Variants in KCNQ1 observed in about 807,000 individuals in gnomAD.
The protein encoded by KCNQ1 is potassium voltage-gated channel subfamily KQT member 1.
A neutral mutation model predicts 72.4 loss-of-function variants in KCNQ1; 49 were observed. The observed-to-expected ratio is 0.68, with a 90% CI of 0.54 to 0.86. KCNQ1 has a LOEUF of 0.86. Among genes scored for constraint, KCNQ1 ranks in the 40% least tolerant of loss-of-function variants. The probability of loss-of-function intolerance (pLI) is 0.00; values close to 1 mark genes in which losing one functional copy is unlikely to be tolerated. For missense variants in KCNQ1, 790 were observed against 945.1 expected (o/e 0.84, Z 2.15); for synonymous variants, 450 against 412.6 (o/e 1.09, Z -1.10).
rs1590071757 is a variant in KCNQ1, at chr11:2,759,316, G to T, written c.1515-9528G>T. Among the ~76,000 whole-genome samples, 4 of 152,254 alleles carry T rather than the reference G, an allele frequency of 2.6e-5. No individual in the cohort carries two copies. The highest frequency in any genetic ancestry group is 3.4e-3 in the Middle Eastern group (1 of 294). Reference sequence around the variant, plus strand: ...GGGGATGTGACGTAGAGTGACTTCAGTTTCCCTCTTCATGTCTCCTGGGTC... The same window carrying T: ...GGGGATGTGACGTAGAGTGACTTCATTTTCCCTCTTCATGTCTCCTGGGTC... On this transcript the variant is annotated intron_variant, in intron 11 of 15. Transcript: ENST00000155840. This position sits in a 1 kb window ranked among gnomAD's most constrained non-coding sequence, Gnocchi z 4.4.
At chr11:2,655,908 C>T (rs1244023291) in intron 10 of KCNQ1, 3 of 398,580 alleles carry the variant, frequency 7.5e-6, no homozygotes, top group African/African-American at 4.1e-5. Flanking sequence ...CCCCATATGC[C>T]GTTCCCAGGA....
rs909550274 is a variant in KCNQ1 at position 2,679,618 on chromosome 11, G to T, written c.1514+17537G>T. ...ATGGGGAGGCGAGTTGGAATGAATA[G>T]TATCAGCATCAGAAAAAATACAAGT... On this transcript the variant is annotated intron_variant, in intron 11 of 15. Coordinates refer to ENST00000155840, the MANE Select transcript of KCNQ1 (RefSeq NM_000218.3). The surrounding 1 kb of genome is among the most constrained non-coding windows in gnomAD (Gnocchi z 4.8). 2.3e-5 allele frequency: 9 copies of T among 398,484 alleles called. No individual in the cohort carries two copies. Among genetic ancestry groups the T allele is most frequent in the Non-Finnish European group, 3.5e-5 (8 of 226,078 alleles). 24.7% of individuals were successfully genotyped at this position (398,484 alleles called of 1,614,324 possible). A position where few individuals can be genotyped will look rare whatever the true frequency, so the allele number is the denominator to read the frequency against.
At chr11:2,640,107 C>T (rs978897875) in intron 10 of KCNQ1, 1 of 286,170 alleles carries the variant, frequency 3.5e-6, no homozygotes, top group Non-Finnish European at 6.4e-6. Flanking sequence ...CCGTCTGTCA[C>T]CCCTTCCGTT....
chr11:2,744,902 G>A (rs1846114179), intron 11 of KCNQ1, among the ~76,000 whole-genome samples: 1 of 152,040 alleles, frequency 6.6e-6, no homozygotes, highest in Admixed American at 6.6e-5. Flanking sequence ...ATTCCATCCT[G>A]TCTATGGTGG....
At chr11:2,821,798 C>T (rs1847743014) in intron 15 of KCNQ1, among the ~76,000 whole-genome samples, 1 of 152,180 alleles carries the variant, frequency 6.6e-6, no homozygotes. Flanking sequence ...CAAGCCACTC[C>T]TGTTGCCCTC....
rs185288724 is a variant in KCNQ1 at position 2,550,060 on chromosome 11, A to G, written c.478-20568A>G. 3.9e-4 allele frequency among the ~76,000 whole-genome samples: 60 copies of G among 152,292 alleles called. No individual in the cohort carries two copies. The Middle Eastern group carries it at 0.01, about 26-fold the overall frequency. ...ACCCCAGAACTGGACCCCAATGTGC[A>G]GGTCTGGGTGTGGATGTATCTGTAT... is the stretch of plus-strand genomic sequence containing the variant. On this transcript the variant is annotated intron_variant, in intron 2 of 15. Transcript: ENST00000155840. This position sits in a 1 kb window ranked among gnomAD's most constrained non-coding sequence, Gnocchi z 6.0.
In KCNQ1 at chr11:2,659,547, G is replaced by A. The variant is rs1849913426; in HGVS notation, c.1394-2414G>A. ...ATTGTTTCCAGTATTTGGTAATTAT[G>A]AGCAGAGTTACTATACACATTTATG... On this transcript the variant is annotated intron_variant, in intron 10 of 15. Coordinates refer to ENST00000155840, the MANE Select transcript of KCNQ1 (RefSeq NM_000218.3). The surrounding 1 kb of genome is among the most constrained non-coding windows in gnomAD (Gnocchi z 4.3). 2.5e-6 allele frequency: 1 copy of A among 398,392 alleles called. No individual in the cohort carries two copies. The highest frequency in any genetic ancestry group is 2.1e-5 in the African/African-American group (1 of 48,636). 24.7% of individuals were successfully genotyped at this position (398,392 alleles called of 1,614,324 possible).
intron 8 of KCNQ1, among the ~76,000 whole-genome samples, chr11:2,586,823 C>G (rs1848598806): frequency 1.3e-5 from 2 of 152,158 alleles, no homozygotes; most frequent in South Asian, 4.1e-4. Context: ...GGCCCTCTCT[C>G]AGGCTCATGT....
At chr11:2,528,088 G>A in intron 2 of KCNQ1, 70 bp downstream of exon 2, 1 of 1,325,236 alleles carries the variant, frequency 7.5e-7, no homozygotes, top group Non-Finnish European at 1.1e-6. Context: ...CTGGCGCTGG[G>A]CCCCATAAGG....
At chr11:2,636,924 G>A (rs1849478699) in intron 10 of KCNQ1, 1 of 152,186 alleles carries the variant, frequency 6.6e-6, no homozygotes, top group African/African-American at 2.4e-5. Context: ...AAGGGTGTAT[G>A]TCTCCAGGAA....
At chr11:2,814,647 G>A (rs900747451) in intron 15 of KCNQ1, among the ~76,000 whole-genome samples, 12 of 148,410 alleles carry the variant, frequency 8.1e-5, no homozygotes, top group East Asian at 4.7e-4. Flanking sequence ...AGGAAGGAAG[G>A]AAGGAAGGAA....
At chr11:2,641,108 G>T in intron 10 of KCNQ1, 1 of 398,450 alleles carries the variant, frequency 2.5e-6, no homozygotes. Context: ...TTGCTGTTGT[G>T]AATAGTGCTG....
In KCNQ1 at chr11:2,563,656, G is replaced by C. The variant is rs1008972902; in HGVS notation, c.478-6972G>C. Among the ~76,000 whole-genome samples, 3 of 152,222 alleles carry C rather than the reference G, an allele frequency of 2.0e-5. No individual in the cohort carries two copies. The highest frequency in any genetic ancestry group is 7.2e-5 in the African/African-American group (3 of 41,460). ...TGACTGTGCCTTAGGGTGTCCCGTTGGCATCCAGGGCCCCCCGTGAAGGAT... is the reference window on the plus strand; with the variant it reads ...TGACTGTGCCTTAGGGTGTCCCGTTCGCATCCAGGGCCCCCCGTGAAGGAT... On this transcript the variant is annotated intron_variant, in intron 2 of 15. Transcript: ENST00000155840. The surrounding 1 kb of genome is among the most constrained non-coding windows in gnomAD (Gnocchi z 7.4).
In KCNQ1 at chr11:2,678,651, CA is replaced by C. The variant is rs111698879; in HGVS notation, c.1514+16573del. 44,546 of 398,482 alleles carry C rather than the reference CA, an allele frequency of 0.11. 2,826 individuals are homozygous for C. The highest frequency in any genetic ancestry group is 0.19 in the South Asian group (1,467 of 7,842). 24.7% of individuals were successfully genotyped at this position (398,482 alleles called of 1,614,324 possible). Reference sequence around the variant, plus strand: ...GCCAATAATGGGAAGCTCATTTTCACAAATGCAGTCAACCAGGGGAATTCAT... The same window carrying C: ...GCCAATAATGGGAAGCTCATTTTCACAATGCAGTCAACCAGGGGAATTCAT... On this transcript the variant is annotated intron_variant, in intron 11 of 15. Coordinates refer to ENST00000155840, the MANE Select transcript of KCNQ1 (RefSeq NM_000218.3). The surrounding 1 kb of genome is among the most constrained non-coding windows in gnomAD (Gnocchi z 4.9).
At chr11:2,606,156 A>C (rs779193424) in intron 10 of KCNQ1, among the ~76,000 whole-genome samples, 2 of 152,080 alleles carry the variant, frequency 1.3e-5, no homozygotes, top group Non-Finnish European at 2.9e-5. Flanking sequence ...TTGTTTTCTT[A>C]ATTATATTTT....
At chr11:2,500,246 T>A (rs1291545675) in intron 1 of KCNQ1, among the ~76,000 whole-genome samples, 1 of 152,230 alleles carries the variant, frequency 6.6e-6, no homozygotes, top group Non-Finnish European at 1.5e-5. Context: ...AAAAAAGACA[T>A]TTATGCAGCC....
chr11:2,740,650 A>AG (rs1237323867), intron 11 of KCNQ1, among the ~76,000 whole-genome samples: 1 of 152,206 alleles, frequency 6.6e-6, no homozygotes, highest in Admixed American at 6.5e-5. Flanking sequence ...CCTAAAATCA[A>AG]GGTGTCCTCA....
chr11:2,465,303 C>T (rs1399129527), intron 1 of KCNQ1, among the ~76,000 whole-genome samples: 1 of 152,204 alleles, frequency 6.6e-6, no homozygotes, highest in East Asian at 1.9e-4. Flanking sequence ...AGGCTGGCCT[C>T]CAGTCCAGGT....
intron 1 of KCNQ1, among the ~76,000 whole-genome samples, chr11:2,470,056 G>T (rs951829689): frequency 4.6e-5 from 7 of 152,112 alleles, no homozygotes; most frequent in African/African-American, 1.7e-4. Flanking sequence ...CAACTCCTGG[G>T]CTCAAGCCAT....
Sources: allele counts gnomAD v4.1 joint callset (sites outside exome capture counted in the v4.1 genomes callset), GRCh38; gene constraint gnomAD v4.1.1; non-coding constraint Gnocchi (gnomAD v3.1); transcripts MANE v1.5; gene names NCBI Gene and HGNC (gene_info 2026-07-23, HGNC 2026-07-21).